EFCAB5: variants seen among roughly 807,000 people sequenced by gnomAD.
EFCAB5 encodes EF-hand calcium-binding domain-containing protein 5.
In EFCAB5, 131 loss-of-function variants were observed where a neutral mutation model predicts 167.9. The observed-to-expected ratio is 0.78, with a 90% CI of 0.68 to 0.90. The LOEUF is 0.90. Ranked by LOEUF, EFCAB5 falls within the 40% of genes least tolerant of loss-of-function variation. EFCAB5 has a pLI of 0.00. For missense variants in EFCAB5, 1,663 were observed against 1,745.2 expected (o/e 0.95, Z 0.84); for synonymous variants, 574 against 602.8 (o/e 0.95, Z 0.70).
At position 30,057,930 on chromosome 17, in the gene EFCAB5, T is replaced by C. The variant is rs370495690; in HGVS notation, c.2580+40T>C. 190 of 1,551,900 alleles carry C rather than the reference T, an allele frequency of 1.2e-4. No homozygotes were observed. In the African/African-American group the frequency reaches 2.3e-3, roughly 19 times the overall value. The stretch of plus-strand genomic sequence containing the variant: ...TTATTAATGATACAAGTGAGGTCAC[T>C]ATTATAAGTAAATCTCTCAACCTCA... On this transcript the variant is annotated intron_variant, in intron 13 of 22. Transcript: ENST00000394835.
chr17:30,039,871 C>A (rs1020364950), intron 8 of EFCAB5, among the ~76,000 whole-genome samples: 4 of 152,190 alleles, frequency 2.6e-5, no homozygotes, highest in Non-Finnish European at 5.9e-5. Context: ...CTACAACTGC[C>A]CTTTTCCCAA....
At position 30,017,446 on chromosome 17, in the gene EFCAB5, G is replaced by A. The variant is rs148100882; in HGVS notation, c.1045-16784G>A. Among the ~76,000 whole-genome samples the A allele has an allele frequency of 1.9e-4, 29 of 152,250 alleles. No homozygotes were observed. In the East Asian group the frequency reaches 5.6e-3, roughly 29 times the overall value. On this transcript the variant is annotated intron_variant, in intron 7 of 22. Coordinates refer to ENST00000394835, the MANE Select transcript of EFCAB5 (RefSeq NM_198529.4). ...CAGGTTTATATACTACGCCACTACAGATAGATGGGTACATAGCAAGTAGAT... is the reference window on the plus strand; with the variant it reads ...CAGGTTTATATACTACGCCACTACAAATAGATGGGTACATAGCAAGTAGAT...
intron 7 of EFCAB5, among the ~76,000 whole-genome samples, chr17:30,015,935 C>G (rs578019402): frequency 1.3e-5 from 2 of 151,798 alleles, no homozygotes; most frequent in South Asian, 4.2e-4. Context: ...CTTGCCACCA[C>G]GCCCAGCTAA....
chr17:29,932,533 G>A (rs1221904949), intron 1 of EFCAB5, among the ~76,000 whole-genome samples: 36 of 133,196 alleles, frequency 2.7e-4, no homozygotes, highest in African/African-American at 1.0e-3. Context: ...TCAGCTCACT[G>A]CAACCTCCAC....
chr17:30,080,049 T>A (rs770059516), intron 15 of EFCAB5, 23 bp from the exon 16 acceptor site: 2 of 1,585,478 alleles, frequency 1.3e-6, no homozygotes, highest in Non-Finnish European at 1.7e-6. Flanking sequence ...GGCAAACACA[T>A]GGTCGGAAAC....
chr17:29,962,229 C>T (rs920434631), intron 3 of EFCAB5, among the ~76,000 whole-genome samples: 2 of 152,130 alleles, frequency 1.3e-5, no homozygotes, highest in African/African-American at 4.8e-5. Context: ...GTGAAAAAGA[C>T]TATTGGAATT....
At chr17:30,017,087 G>A (rs969757490) in intron 7 of EFCAB5, among the ~76,000 whole-genome samples, 1 of 151,974 alleles carries the variant, frequency 6.6e-6, no homozygotes, top group Non-Finnish European at 1.5e-5. Context: ...TGAGGTGGGA[G>A]TACCGCTTGA....
chr17:29,946,866 G>A (rs981111451), intron 3 of EFCAB5, among the ~76,000 whole-genome samples: 4 of 152,168 alleles, frequency 2.6e-5, no homozygotes, highest in South Asian at 2.1e-4. Context: ...TATGTTTATT[G>A]CAGCACAATT....
At chr17:30,047,482 C>T (rs2069960097) in intron 8 of EFCAB5, among the ~76,000 whole-genome samples, 1 of 152,124 alleles carries the variant, frequency 6.6e-6, no homozygotes, top group African/African-American at 2.4e-5. Flanking sequence ...AGATATATGA[C>T]ATTTAACTAC....
chr17:30,053,760 A>G lies in EFCAB5; in HGVS notation c.1806A>G (p.Ser602=). The change falls in exon 10 of 23, where the codon TCA becomes TCG. Residue 602 remains serine, a synonymous_variant. Coordinates refer to ENST00000394835, the MANE Select transcript of EFCAB5 (RefSeq NM_198529.4). ...SVSEQGSSRE[S]VAEQGSRRES... The stretch of plus-strand genomic sequence containing the variant: ...CAGAACAAGGATCAAGCAGAGAGTC[A>G]GTTGCAGAACAAGGGTCACGCAGAG... The G allele has an allele frequency of 6.2e-7, 1 of 1,614,020 alleles. No individual in the cohort carries two copies. The highest frequency in any genetic ancestry group is 1.1e-5 in the South Asian group (1 of 91,088).
chr17:29,955,755 T>G (rs1210583001), intron 3 of EFCAB5, among the ~76,000 whole-genome samples: 1 of 151,864 alleles, frequency 6.6e-6, no homozygotes, highest in African/African-American at 2.4e-5. Context: ...AATTTATAGA[T>G]TCAATAAAAT....
chr17:29,951,346 G>T (rs2067504219), intron 3 of EFCAB5, among the ~76,000 whole-genome samples: 1 of 151,662 alleles, frequency 6.6e-6, no homozygotes, highest in South Asian at 2.1e-4. Context: ...GTTTTGTTTG[G>T]TTTGGTTTTG....
chr17:30,064,421 A>T (rs923135807), intron 14 of EFCAB5, among the ~76,000 whole-genome samples: 5 of 152,164 alleles, frequency 3.3e-5, no homozygotes, highest in Non-Finnish European at 7.3e-5. Flanking sequence ...ATCAAGCAGA[A>T]AAACTAATCT....
At chr17:30,066,330 G>A (rs181135804) in intron 14 of EFCAB5, among the ~76,000 whole-genome samples, 69 of 152,198 alleles carry the variant, frequency 4.5e-4, no homozygotes, top group African/African-American at 1.5e-3. Context: ...ACATGCTCCC[G>A]AATGAGCAGT....
chr17:30,006,782 G>A (rs1485587319), intron 7 of EFCAB5, among the ~76,000 whole-genome samples: 1 of 152,112 alleles, frequency 6.6e-6, no homozygotes, highest in African/African-American at 2.4e-5. Flanking sequence ...CCCAAGTAGG[G>A]GGGATGCCAC....
At chr17:29,946,538 G>A (rs147572265) in intron 3 of EFCAB5, among the ~76,000 whole-genome samples, 11 of 141,610 alleles carry the variant, frequency 7.8e-5, no homozygotes, top group Non-Finnish European at 1.7e-4. Flanking sequence ...CCAGGTTCAC[G>A]CCATTCTCCT....
chr17:30,064,907 T>C (rs2070520132), intron 14 of EFCAB5, among the ~76,000 whole-genome samples: 1 of 152,158 alleles, frequency 6.6e-6, no homozygotes, highest in Non-Finnish European at 1.5e-5. Context: ...AATGGGGTGA[T>C]ATATTCAAAG....
intron 14 of EFCAB5, 178 bp downstream of exon 14, chr17:30,059,879 A>C (rs1463963129): frequency 7.5e-6 from 3 of 400,390 alleles, no homozygotes; most frequent in Non-Finnish European, 1.2e-5. Flanking sequence ...TAGAGATAGG[A>C]GTCTCACTGT....
intron 5 of EFCAB5, among the ~76,000 whole-genome samples, chr17:29,995,991 T>G (rs2068534979): frequency 6.6e-6 from 1 of 152,226 alleles, no homozygotes; most frequent in South Asian, 2.1e-4. Context: ...TAGGGGCTCT[T>G]TTCAAACTGA....
Sources: gnomAD v4.1 joint callset for allele counts (sites outside exome capture counted in the v4.1 genomes callset) on GRCh38, gnomAD v4.1.1 for gene constraint, MANE v1.5 for transcripts, NCBI Gene and HGNC (gene_info 2026-07-23, HGNC 2026-07-21) for gene names.